C21orf91: variants seen among roughly 807,000 people sequenced by gnomAD.
C21orf91 encodes protein EURL homolog.
In C21orf91, 26 loss-of-function variants were observed where a neutral mutation model predicts 32.9. The observed-to-expected ratio is 0.79, with a 90% CI of 0.58 to 1.10. The LOEUF is 1.10. C21orf91 is among the 50% of genes least tolerant of loss of function. C21orf91 has a pLI of 0.00. For missense variants in C21orf91, 310 were observed against 341.3 expected (o/e 0.91, Z 0.72); for synonymous variants, 126 against 120.4 (o/e 1.05, Z -0.31).
chr21:17,801,196 T>C (rs1274647606), intron 2 of C21orf91, among the ~76,000 whole-genome samples: 2 of 151,576 alleles, frequency 1.3e-5, no homozygotes, highest in Non-Finnish European at 2.9e-5. Flanking sequence ...GTGGCACATA[T>C]ACACCATGGA....
chr21:17,797,405 C>A (rs1600876579), intron 2 of C21orf91, among the ~76,000 whole-genome samples: 1 of 151,886 alleles, frequency 6.6e-6, no homozygotes, highest in East Asian at 1.9e-4. Flanking sequence ...TACTACTGAA[C>A]CCAGCAATTT....
intron 2 of C21orf91, among the ~76,000 whole-genome samples, chr21:17,807,779 T>C (rs1170072192): frequency 2.0e-5 from 3 of 152,172 alleles, no homozygotes; most frequent in South Asian, 2.1e-4. Flanking sequence ...CTGTGGACCT[T>C]TGAACTTGAG....
Position 17,818,345 on chromosome 21 carries a change from G to T in C21orf91, c.-7-20C>A, listed in dbSNP as rs1287827729. 1 of 1,585,022 alleles carries T rather than the reference G, an allele frequency of 6.3e-7. No homozygotes were observed. The highest frequency in any genetic ancestry group is 8.6e-7 in the Non-Finnish European group (1 of 1,164,742). On this transcript the variant is annotated intron_variant, in intron 1 of 4. Transcript: ENST00000284881. ...GTGCCCCTATTAAGAAACAGAAAAG[G>T]AAAGTTACACAATTTCATGAACCTG...
At chr21:17,817,512 T>C (rs1600892782) in intron 2 of C21orf91, among the ~76,000 whole-genome samples, 2 of 152,258 alleles carry the variant, frequency 1.3e-5, no homozygotes, top group South Asian at 4.1e-4. Context: ...TTTTTTTTAG[T>C]ATGACTCATA....
chr21:17,793,400 G>T lies in C21orf91; in HGVS notation c.*15C>A. The T allele has an allele frequency of 6.4e-7, 1 of 1,558,856 alleles. No individual in the cohort carries two copies. Among genetic ancestry groups the T allele is most frequent in the Non-Finnish European group, 8.7e-7 (1 of 1,144,980 alleles). On this transcript the variant is annotated 3_prime_UTR_variant, in exon 5 of 5. Transcript: ENST00000284881. ...ACCAATAAAGGGCAGGGCATACGAA[G>T]TAAGTCTGTTTAGGTCAGTTGTTTA...
At chr21:17,804,462 CTAAA>C (rs1173859555) in intron 2 of C21orf91, among the ~76,000 whole-genome samples, 1 of 152,176 alleles carries the variant, frequency 6.6e-6, no homozygotes, top group East Asian at 1.9e-4. Context: ...ACTTAAATGA[CTAAA>C]TAGTCTGCCA....
intron 2 of C21orf91, among the ~76,000 whole-genome samples, chr21:17,810,339 T>A (rs1178707596): frequency 1.3e-5 from 2 of 152,248 alleles, no homozygotes; most frequent in African/African-American, 4.8e-5. Flanking sequence ...TTTTCTTAAG[T>A]TTTAATTTTG....
At chr21:17,799,197 C>A (rs139902473) in intron 2 of C21orf91, among the ~76,000 whole-genome samples, 103 of 152,206 alleles carry the variant, frequency 6.8e-4, no homozygotes, top group African/African-American at 2.4e-3. Context: ...CATTAAATAA[C>A]TAATTTTCTG....
rs1327407921 is a variant in C21orf91, at chr21:17,809,776, CACTT to C, written c.127+8412_127+8415del. ...TCTCTAGCTACTAGAGAATTTCTGA[CACTT>C]AGTAGTTGCTCAGTTAGTATTTATT... is the stretch of plus-strand genomic sequence containing the variant. On this transcript the variant is annotated intron_variant, in intron 2 of 4. Transcript: ENST00000284881. 9.9e-5 allele frequency among the ~76,000 whole-genome samples: 15 copies of C among 152,232 alleles called. No homozygotes were observed. The East Asian group carries it at 1.3e-3, about 14-fold the overall frequency.
intron 2 of C21orf91, among the ~76,000 whole-genome samples, chr21:17,817,173 G>A (rs2062669342): frequency 1.3e-5 from 2 of 152,046 alleles, no homozygotes; most frequent in Admixed American, 1.3e-4. Context: ...TGAAGTTATA[G>A]ATATTCTATG....
In C21orf91 at chr21:17,818,303, G is replaced by T. The variant is rs2062678751; in HGVS notation, c.16C>A (p.Gln6Lys). 9.9e-6 allele frequency: 16 copies of T among 1,610,670 alleles called. No homozygotes were observed. The highest frequency in any genetic ancestry group is 1.4e-5 in the Non-Finnish European group (16 of 1,178,358). Residue 6 changes from glutamine (Q) to lysine (K), a missense_variant, in exon 2 of 5, where the codon CAG (glutamine) becomes AAG (lysine). Gln to Lys is a moderately conservative substitution (Grantham distance 53). Coordinates refer to ENST00000284881, the MANE Select transcript of C21orf91 (RefSeq NM_001100420.2). ...TCATTCAAATCAATGTTTACAAACT[G>T]CTCCTCTTCGTTCATAGTGCCCCTA... is the stretch of plus-strand genomic sequence containing the variant. MNEEE[Q>K]FVNIDLNDDN...
intron 2 of C21orf91, among the ~76,000 whole-genome samples, chr21:17,814,122 G>T (rs977521347): frequency 1.3e-5 from 2 of 152,096 alleles, no homozygotes; most frequent in African/African-American, 4.8e-5. Context: ...CTGATAGTAT[G>T]AACCAACAGT....
chr21:17,817,069 T>G (rs1020713737), intron 2 of C21orf91, among the ~76,000 whole-genome samples: 15 of 152,358 alleles, frequency 9.8e-5, no homozygotes, highest in Non-Finnish European at 1.6e-4. Context: ...TCCTCTCACC[T>G]TAACCTCTGG....
rs144521489 is a variant in C21orf91 at position 17,792,101 on chromosome 21, A to G, written c.*1314T>C. 3 of 152,150 alleles carry G rather than the reference A, an allele frequency of 2.0e-5. No homozygotes were observed. Among genetic ancestry groups the G allele is most frequent in the Admixed American group, 2.0e-4 (3 of 15,272 alleles). The allele number at this position is 152,150 out of a possible 1,614,324, so 9.4% of individuals were successfully genotyped here. A position where few individuals can be genotyped will look rare whatever the true frequency, so the allele number is the denominator to read the frequency against. On this transcript the variant is annotated 3_prime_UTR_variant, in exon 5 of 5. Coordinates refer to ENST00000284881, the MANE Select transcript of C21orf91 (RefSeq NM_001100420.2). ...ATACTTTCAAGCAAGGATCTACCTC[A>G]TAAGTACATTCTAAACATGAGTTAA...
intron 3 of C21orf91, 84 bp downstream of exon 3, chr21:17,796,498 A>C: frequency 9.9e-7 from 1 of 1,012,558 alleles, no homozygotes; most frequent in South Asian, 1.7e-5. Context: ...TTCCACAGCA[A>C]AATTCTTGAC....
chr21:17,804,562 T>C (rs1158073434), intron 2 of C21orf91, among the ~76,000 whole-genome samples: 2 of 152,226 alleles, frequency 1.3e-5, no homozygotes, highest in Admixed American at 6.5e-5. Flanking sequence ...GGCAACCACA[T>C]GAAGCCAACA....
At chr21:17,808,996 T>TCTC (rs1484387206) in intron 2 of C21orf91, 1 of 152,260 alleles carries the variant, frequency 6.6e-6, no homozygotes, top group African/African-American at 2.4e-5. Flanking sequence ...ACCTTCTTCT[T>TCTC]CTCTCTCTCT....
Position 17,806,112 on chromosome 21 carries a change from T to G in C21orf91, c.128-8994A>C, listed in dbSNP as rs1379654921. Among the ~76,000 whole-genome samples, 4 of 152,346 alleles carry G rather than the reference T, an allele frequency of 2.6e-5. No individual in the cohort carries two copies. In the East Asian group the frequency reaches 7.7e-4, roughly 29 times the overall value. ...ATTTAAGGTTTGAAAGCAAGAAATG[T>G]GATAACTCTGTCTCTCTGCCTTTCA... is the stretch of plus-strand genomic sequence containing the variant. On this transcript the variant is annotated intron_variant, in intron 2 of 4. Coordinates refer to ENST00000284881, the MANE Select transcript of C21orf91 (RefSeq NM_001100420.2).
At chr21:17,807,879 T>C (rs2062608452) in intron 2 of C21orf91, among the ~76,000 whole-genome samples, 1 of 152,204 alleles carries the variant, frequency 6.6e-6, no homozygotes, top group Non-Finnish European at 1.5e-5. Context: ...AGTATGGTCA[T>C]ATATGTGAAC....
Sources: gnomAD v4.1 joint callset for allele counts (sites outside exome capture counted in the v4.1 genomes callset) on GRCh38, gnomAD v4.1.1 for gene constraint, MANE v1.5 for transcripts, NCBI Gene and HGNC (gene_info 2026-07-23, HGNC 2026-07-21) for gene names.